Variants in BCL6B observed in about 807,000 individuals in gnomAD.
BCL6B encodes the protein B-cell CLL/lymphoma 6 member B protein.
In BCL6B, 28 loss-of-function variants were observed where a neutral mutation model predicts 44.6. The ratio of observed to expected loss-of-function variants is 0.63; its 90% CI spans 0.47 to 0.86. The LOEUF is 0.86. Ranked by LOEUF, BCL6B falls within the 40% of genes least tolerant of loss-of-function variation. BCL6B has a pLI of 0.00. For synonymous variants in BCL6B, 268 were observed against 263.6 expected (o/e 1.02, Z -0.16); for missense variants, 626 against 652.3 (o/e 0.96, Z 0.44).
At position 7,027,791 on chromosome 17, in the gene BCL6B, G is replaced by T. The variant is rs1910341884; in HGVS notation, c.*172G>T. 2.1e-6 allele frequency: 3 copies of T among 1,436,604 alleles called. No homozygotes were observed. The highest frequency in any genetic ancestry group is 2.7e-6 in the Non-Finnish European group (3 of 1,099,952). 89.0% of individuals were successfully genotyped at this position (1,436,604 alleles called of 1,614,324 possible). A position where few individuals can be genotyped will look rare whatever the true frequency, so the allele number is the denominator to read the frequency against. On this transcript the variant is annotated 3_prime_UTR_variant, in exon 9 of 9. Coordinates refer to ENST00000293805, the MANE Select transcript of BCL6B (RefSeq NM_181844.4). ...GAGCAGGGGTGGCAGATCCTGGCTAGATCTGCCTCTGTTTTGCTGGTCAAA... is the reference window on the plus strand; with the variant it reads ...GAGCAGGGGTGGCAGATCCTGGCTATATCTGCCTCTGTTTTGCTGGTCAAA...
rs1910383914 is a variant in BCL6B at position 7,029,042 on chromosome 17, T to C, written c.*1423T>C. On this transcript the variant is annotated 3_prime_UTR_variant, in exon 9 of 9. Coordinates refer to ENST00000293805, the MANE Select transcript of BCL6B (RefSeq NM_181844.4). ...CCAGTGAATGCATTAGAACCTTCCA[T>C]AGGAAAAGAAAAGGGGCTGAGTTCC... 3.0e-6 allele frequency: 3 copies of C among 985,352 alleles called. No individual in the cohort carries two copies. The highest frequency in any genetic ancestry group is 4.7e-5 in the South Asian group (1 of 21,294). 61.0% of individuals were successfully genotyped at this position (985,352 alleles called of 1,614,324 possible).
intron 2 of BCL6B, 40 bp downstream of exon 2, chr17:7,023,890 G>T: frequency 1.2e-6 from 2 of 1,600,954 alleles, no homozygotes; most frequent in Non-Finnish European, 8.5e-7. Flanking sequence ...AAATGGGAAA[G>T]GGGTGGGACC....
Position 7,029,108 on chromosome 17 carries a change from A to G in BCL6B, c.*1489A>G. ...TAGTTTGGTTGGGATTATTGTTGGCATTACAGATGTAAAAGATTGACTAGC... is the reference window on the plus strand; with the variant it reads ...TAGTTTGGTTGGGATTATTGTTGGCGTTACAGATGTAAAAGATTGACTAGC... On this transcript the variant is annotated 3_prime_UTR_variant, in exon 9 of 9. Coordinates refer to ENST00000293805, the MANE Select transcript of BCL6B (RefSeq NM_181844.4). 2 of 985,540 alleles carry G rather than the reference A, an allele frequency of 2.0e-6. No homozygotes were observed. Among genetic ancestry groups the G allele is most frequent in the African/African-American group, 3.5e-5 (2 of 57,370 alleles). 61.0% of individuals were successfully genotyped at this position (985,540 alleles called of 1,614,324 possible).
chr17:7,027,548 C>T lies in BCL6B; in HGVS notation c.1369C>T (p.Leu457=). 1 of 1,613,930 alleles carries T rather than the reference C, an allele frequency of 6.2e-7. No homozygotes were observed. Among genetic ancestry groups the T allele is most frequent in the Non-Finnish European group, 8.5e-7 (1 of 1,180,024 alleles). Residue 457 remains leucine (L), a synonymous_variant, in exon 9 of 9, where the codon CTG becomes TTG. Transcript: ENST00000293805. ...TTTCCGGCACAAGAGTCAACTGCGG[C>T]TGCATCTGCGCCAGAAACACGGAGC... The part of the protein sequence containing the change: ...LHFRHKSQLR[L]HLRQKHGAAT...
At position 7,024,700 on chromosome 17, in the gene BCL6B, CCAGCAGCAGCAGCAG is replaced by C. The variant is rs55799550; in HGVS notation, c.717_731del (p.Ser240_Ser244del). Reference sequence around the variant, plus strand: ...AGGCTCCCCAGTGGAGACGAGGCCTCCAGCAGCAGCAGCAGCAGCAGCAGCAGCAGTGAAGAAGGA... The same window carrying C: ...AGGCTCCCCAGTGGAGACGAGGCCTCCAGCAGCAGCAGCAGTGAAGAAGGA... On this transcript the variant is annotated inframe_deletion, in exon 4 of 9. Transcript: ENST00000293805. This position sits in a 1 kb window ranked among gnomAD's most constrained non-coding sequence, Gnocchi z 6.6. 8.9e-6 allele frequency: 13 copies of C among 1,458,678 alleles called. No homozygotes were observed. The highest frequency in any genetic ancestry group is 7.2e-5 in the East Asian group (3 of 41,724). 90.4% of individuals were successfully genotyped at this position (1,458,678 alleles called of 1,614,324 possible). A position where few individuals can be genotyped will look rare whatever the true frequency, so the allele number is the denominator to read the frequency against.
In BCL6B at chr17:7,028,857, G is replaced by T; in HGVS notation, c.*1238G>T. On this transcript the variant is annotated 3_prime_UTR_variant, in exon 9 of 9. Transcript: ENST00000293805. ...TGTTACCTGGGGTTCTCTCTATTGA[G>T]TTGAGCCCCTTCTTCCTTTAGTGGG... 1.0e-6 allele frequency: 1 copy of T among 985,448 alleles called. No homozygotes were observed. Among genetic ancestry groups the T allele is most frequent in the Non-Finnish European group, 1.2e-6 (1 of 829,944 alleles). 61.0% of individuals were successfully genotyped at this position (985,448 alleles called of 1,614,324 possible).
At position 7,028,416 on chromosome 17, in the gene BCL6B, G is replaced by T. The variant is rs1028078571; in HGVS notation, c.*797G>T. On this transcript the variant is annotated 3_prime_UTR_variant, in exon 9 of 9. Coordinates refer to ENST00000293805, the MANE Select transcript of BCL6B (RefSeq NM_181844.4). ...GGAACCATTATGTTGAGCCCAAAATGGAAGTAATAATAAATGCCTCCTGGA... is the reference window on the plus strand; with the variant it reads ...GGAACCATTATGTTGAGCCCAAAATTGAAGTAATAATAAATGCCTCCTGGA... 5.8e-5 allele frequency: 2 copies of T among 34,266 alleles called. No homozygotes were observed. The highest frequency in any genetic ancestry group is 8.9e-4 in the African/African-American group (2 of 2,254). 2.1% of individuals were successfully genotyped at this position (34,266 alleles called of 1,614,324 possible).
chr17:7,024,033 G>T lies in BCL6B; in HGVS notation c.180-50G>T. 1 of 1,587,846 alleles carries T rather than the reference G, an allele frequency of 6.3e-7. No individual in the cohort carries two copies. The highest frequency in any genetic ancestry group is 1.3e-5 in the African/African-American group (1 of 74,260). On this transcript the variant is annotated intron_variant, in intron 2 of 8. Coordinates refer to ENST00000293805, the MANE Select transcript of BCL6B (RefSeq NM_181844.4). This position sits in a 1 kb window ranked among gnomAD's most constrained non-coding sequence, Gnocchi z 6.6. ...GGCGGGGCTTCCTGAAGCTGCGCAT[G>T]TCTCCCTTGGTTCCCCAGCCCCCAA...
At position 7,026,736 on chromosome 17, in the gene BCL6B, A is replaced by G; in HGVS notation, c.1086A>G (p.Gly362=). 6.2e-7 allele frequency: 1 copy of G among 1,614,192 alleles called. No homozygotes were observed. ...AGCCTTACCACTGCTCAATCTGCGG[A>G]GCCCGTTTTAACCGGCCAGCAAACC... is the stretch of plus-strand genomic sequence containing the variant. ...GEKPYHCSIC[G]ARFNRPANLK... The change falls in exon 7 of 9, where the codon GGA becomes GGG. Residue 362 remains glycine (G), a synonymous_variant. Transcript: ENST00000293805.
chr17:7,026,823 G>A lies in BCL6B; in HGVS notation c.1173G>A (p.Ser391=), dbSNP rs776310579. 2.5e-5 allele frequency: 41 copies of A among 1,613,814 alleles called. No homozygotes were observed. Among genetic ancestry groups the A allele is most frequent in the Non-Finnish European group, 3.3e-5 (39 of 1,180,052 alleles). ...EKPYKCETCG[S]RFVQVAHLRA... ...CGTATAAGTGTGAGACGTGCGGCTC[G>A]CGCTTTGTACAGGTACGGAGCCAGC... Residue 391 remains serine (S), a synonymous_variant, in exon 7 of 9, where the codon TCG becomes TCA. Transcript: ENST00000293805.
intron 8 of BCL6B, 94 bp from the exon 9 acceptor site, chr17:7,027,409 A>G (rs1052087244): frequency 1.4e-6 from 2 of 1,393,498 alleles, no homozygotes; most frequent in Admixed American, 3.5e-5. Context: ...TCCGCTGGAT[A>G]GTTCCCACCT....
intron 2 of BCL6B, 56 bp downstream of exon 2, chr17:7,023,906 G>A (rs937252339): frequency 1.6e-5 from 26 of 1,583,590 alleles, no homozygotes; most frequent in Non-Finnish European, 2.2e-5. Context: ...GGACCACAGG[G>A]CCGTTGAGAG....
chr17:7,025,064 C>A lies in BCL6B; in HGVS notation c.765-12C>A. 6.2e-7 allele frequency: 1 copy of A among 1,613,626 alleles called. No individual in the cohort carries two copies. The highest frequency in any genetic ancestry group is 8.5e-7 in the Non-Finnish European group (1 of 1,179,784). Reference sequence around the variant, plus strand: ...ACAATCTCTTTTAACCCTTTCCTTGCCATCTGCCTAGGCTCTCTCCAACTG... The same window carrying A: ...ACAATCTCTTTTAACCCTTTCCTTGACATCTGCCTAGGCTCTCTCCAACTG... On this transcript the variant is annotated splice_polypyrimidine_tract_variant and intron_variant, in intron 4 of 8. Transcript: ENST00000293805.
At chr17:7,025,762 G>A (rs1332594082) in intron 5 of BCL6B, among the ~76,000 whole-genome samples, 1 of 146,888 alleles carries the variant, frequency 6.8e-6, no homozygotes, top group African/African-American at 2.5e-5. Context: ...GTCTGAACCC[G>A]GGAGGTGGAG....
In BCL6B at chr17:7,027,632, C is replaced by G; in HGVS notation, c.*13C>G. 1 of 1,612,600 alleles carries G rather than the reference C, an allele frequency of 6.2e-7. No individual in the cohort carries two copies. Among genetic ancestry groups the G allele is most frequent in the East Asian group, 2.2e-5 (1 of 44,884 alleles). ...CGGGGGGCCCTAGCTGAGCGCAGGC[C>G]CAGGCCCCACTTGCTTCCTGCGGGT... On this transcript the variant is annotated 3_prime_UTR_variant, in exon 9 of 9. Transcript: ENST00000293805.
Position 7,024,166 on chromosome 17 carries a change from G to T in BCL6B, c.263G>T (p.Gly88Val). The T allele has an allele frequency of 6.2e-7, 1 of 1,613,938 alleles. No individual in the cohort carries two copies. The highest frequency in any genetic ancestry group is 1.7e-5 in the Admixed American group (1 of 60,020). The change falls in exon 3 of 9, where the codon GGC becomes GTC. Residue 88 changes from glycine (G) to valine (V), a missense_variant. Physicochemically the swap from Gly to Val is moderately radical, Grantham distance 109. Transcript: ENST00000293805. This position sits in a 1 kb window ranked among gnomAD's most constrained non-coding sequence, Gnocchi z 6.6. ...LSLPGGPEAR[G>V]FAPLLDFMYT... The stretch of plus-strand genomic sequence containing the variant: ...CTGCCCGGGGGTCCCGAAGCGAGAG[G>T]CTTCGCCCCTCTATTGGACTTCATG...
chr17:7,027,692 C>G lies in BCL6B; in HGVS notation c.*73C>G. On this transcript the variant is annotated 3_prime_UTR_variant, in exon 9 of 9. Transcript: ENST00000293805. ...GCAGGCCCAGGCCTTGCTTCCCTAT[C>G]AGGCTTGGGCATAGGGGTGTGCCAG... The G allele has an allele frequency of 6.3e-7, 1 of 1,597,324 alleles. No homozygotes were observed. The highest frequency in any genetic ancestry group is 1.8e-4 in the Middle Eastern group (1 of 5,474).
chr17:7,024,056 C>G lies in BCL6B; in HGVS notation c.180-27C>G. 1.9e-6 allele frequency: 3 copies of G among 1,610,552 alleles called. No individual in the cohort carries two copies. Among genetic ancestry groups the G allele is most frequent in the Non-Finnish European group, 2.5e-6 (3 of 1,177,510 alleles). The stretch of plus-strand genomic sequence containing the variant: ...ATGTCTCCCTTGGTTCCCCAGCCCC[C>G]AAAGGACTTATCTGCTCTCTCTCTA... On this transcript the variant is annotated intron_variant, in intron 2 of 8. Coordinates refer to ENST00000293805, the MANE Select transcript of BCL6B (RefSeq NM_181844.4). This position sits in a 1 kb window ranked among gnomAD's most constrained non-coding sequence, Gnocchi z 6.6.
rs1910355743 is a variant in BCL6B, at chr17:7,028,249, C to A, written c.*630C>A. 1 of 985,646 alleles carries A rather than the reference C, an allele frequency of 1.0e-6. No homozygotes were observed. Among genetic ancestry groups the A allele is most frequent in the Non-Finnish European group, 1.2e-6 (1 of 830,164 alleles). 61.1% of individuals were successfully genotyped at this position (985,646 alleles called of 1,614,324 possible). Reference sequence around the variant, plus strand: ...TGCCCCTGTAATTCTAGGTCTGGAACCTTTATTTGTTCTAGGGCAGCTCTG... The same window carrying A: ...TGCCCCTGTAATTCTAGGTCTGGAAACTTTATTTGTTCTAGGGCAGCTCTG... On this transcript the variant is annotated 3_prime_UTR_variant, in exon 9 of 9. Coordinates refer to ENST00000293805, the MANE Select transcript of BCL6B (RefSeq NM_181844.4).
Sources: gnomAD v4.1 joint callset for allele counts (sites outside exome capture counted in the v4.1 genomes callset) on GRCh38, gnomAD v4.1.1 for gene constraint, Gnocchi (gnomAD v3.1) non-coding constraint, MANE v1.5 for transcripts, NCBI Gene and HGNC (gene_info 2026-07-23, HGNC 2026-07-21) for gene names.